Variants in PKIB observed in about 807,000 individuals in gnomAD.
PKIB encodes PKI-beta.
A neutral mutation model predicts 4.5 loss-of-function variants in PKIB; 2 were observed. The observed-to-expected ratio is 0.44, with a 90% CI of 0.18 to 1.39. The LOEUF is 1.39. Among genes scored for constraint, PKIB ranks in the 40% most tolerant of loss-of-function variants. PKIB has a pLI of 0.27. For synonymous variants in PKIB, 38 were observed against 36.0 expected (o/e 1.06, Z -0.20); for missense variants, 94 against 92.6 (o/e 1.02, Z -0.06).
chr6:122,561,994 GTTTTTTTTTGTTTT>G (rs1773036070), intron 2 of PKIB, among the ~76,000 whole-genome samples: 2 of 40,904 alleles, frequency 4.9e-5, no homozygotes, highest in Non-Finnish European at 9.2e-5. Flanking sequence ...GTTTGTTTTT[GTTTTTTTTTGTTTT>G]TTTTTTTTTT....
rs541656015 is a variant in PKIB, at chr6:122,520,742, A to G, written c.-248+42803A>G. Among the ~76,000 whole-genome samples the G allele has an allele frequency of 4.9e-5, 7 of 142,620 alleles. No homozygotes were observed. The South Asian group carries it at 1.3e-3, about 27-fold the overall frequency. The allele number at this position is 142,620 out of a possible 152,430, so 93.6% of individuals were successfully genotyped here. A position where few individuals can be genotyped will look rare whatever the true frequency, so the allele number is the denominator to read the frequency against. On this transcript the variant is annotated intron_variant, in intron 2 of 6. Coordinates refer to the PKIB transcript ENST00000392491. Reference sequence around the variant, plus strand: ...AGACCGTGAATTTTAAATTATTATAACTAAGCTCAAACACGTCTTTGTTAA... The same window carrying G: ...AGACCGTGAATTTTAAATTATTATAGCTAAGCTCAAACACGTCTTTGTTAA...
At chr6:122,617,824 TTTTTA>T (rs1478508646) in intron 1 of PKIB, among the ~76,000 whole-genome samples, 14 of 152,256 alleles carry the variant, frequency 9.2e-5, no homozygotes, top group Non-Finnish European at 1.8e-4. Context: ...ATCAAGATGT[TTTTTA>T]TTTTAATTCT....
intron 3 of PKIB, among the ~76,000 whole-genome samples, chr6:122,707,030 A>G (rs1779087574): frequency 6.6e-6 from 1 of 152,092 alleles, no homozygotes; most frequent in Admixed American, 6.6e-5. Flanking sequence ...AAAGGACTAT[A>G]GTAACATAAT....
At chr6:122,514,774 G>A (rs1286823389) in intron 2 of PKIB, among the ~76,000 whole-genome samples, 2 of 152,134 alleles carry the variant, frequency 1.3e-5, no homozygotes, top group African/African-American at 2.4e-5. Flanking sequence ...GAAGTGGAAA[G>A]GGGAGAAGGG....
At chr6:122,622,789 A>C (rs1412480329) in intron 1 of PKIB, among the ~76,000 whole-genome samples, 2 of 148,962 alleles carry the variant, frequency 1.3e-5, no homozygotes, top group Admixed American at 1.3e-4. Flanking sequence ...CTTAGTAAGT[A>C]TCTGACCTTA....
At chr6:122,561,994 G>GTGT (rs1773031025) in intron 2 of PKIB, among the ~76,000 whole-genome samples, 2 of 40,904 alleles carry the variant, frequency 4.9e-5, no homozygotes, top group Admixed American at 3.7e-4. Flanking sequence ...GTTTGTTTTT[G>GTGT]TTTTTTTTTG....
At chr6:122,588,210 AG>A (rs1455492552) in intron 3 of PKIB, among the ~76,000 whole-genome samples, 1 of 152,148 alleles carries the variant, frequency 6.6e-6, no homozygotes, top group Admixed American at 6.6e-5. Context: ...GTAAGGTGTA[AG>A]GAAGGGATCG....
intron 3 of PKIB, among the ~76,000 whole-genome samples, chr6:122,680,527 T>G (rs2815592): frequency 1.3e-5 from 2 of 152,268 alleles, no homozygotes; most frequent in African/African-American, 4.8e-5. Flanking sequence ...GGTTTCATGG[T>G]GGGCTTTGGG....
Position 122,717,871 on chromosome 6 carries a change from G to C in PKIB, c.77G>C (p.Arg26Pro). The C allele has an allele frequency of 6.2e-7, 1 of 1,614,074 alleles. No homozygotes were observed. Among genetic ancestry groups the C allele is most frequent in the Non-Finnish European group, 8.5e-7 (1 of 1,179,976 alleles). ...TTTGCATCTTCAGCAAGGGCAGGCC[G>C]CCGGAATGCCTTACCAGACATCCAG... The part of the protein sequence containing the change: ...ANFASSARAG[R>P]RNALPDIQSS... Residue 26 changes from arginine to proline, a missense_variant, in exon 4 of 5, where the codon CGC (arginine) becomes CCC (proline). By Grantham distance (103) the Arg-to-Pro change is moderately radical. Transcript: ENST00000368452.
chr6:122,536,542 G>C (rs1777411849), intron 2 of PKIB, among the ~76,000 whole-genome samples: 1 of 152,186 alleles, frequency 6.6e-6, no homozygotes, highest in Non-Finnish European at 1.5e-5. Context: ...TTTCTGACCA[G>C]CAGTGAATGT....
upstream of PKIB, among the ~76,000 whole-genome samples, chr6:122,606,120 G>T (rs931411902): frequency 1.3e-5 from 2 of 152,172 alleles, no homozygotes; most frequent in African/African-American, 4.8e-5. Flanking sequence ...GGATGAACTG[G>T]GTGGATGCAA....
chr6:122,543,234 C>T (rs1318172103), intron 2 of PKIB, among the ~76,000 whole-genome samples: 1 of 152,072 alleles, frequency 6.6e-6, no homozygotes, highest in Non-Finnish European at 1.5e-5. Context: ...CTGGAGCTCC[C>T]TAGTGAGATG....
intron 2 of PKIB, among the ~76,000 whole-genome samples, chr6:122,648,943 C>A (rs999774410): frequency 6.6e-6 from 1 of 152,164 alleles, no homozygotes; most frequent in Non-Finnish European, 1.5e-5. Context: ...CACGCATAAC[C>A]TTCATGCCTC....
chr6:122,503,220 G>T (rs995339366), intron 2 of PKIB, among the ~76,000 whole-genome samples: 6 of 152,174 alleles, frequency 3.9e-5, no homozygotes, highest in African/African-American at 9.7e-5. Flanking sequence ...ATATAAATTT[G>T]CAGGGGACAT....
intron 1 of PKIB, among the ~76,000 whole-genome samples, chr6:122,611,328 C>G (rs1268328620): frequency 6.6e-6 from 1 of 152,090 alleles, no homozygotes; most frequent in African/African-American, 2.4e-5. Flanking sequence ...CGTAGAGCTC[C>G]CCGGGGAACG....
chr6:122,486,085 C>A (rs942059752), intron 2 of PKIB, among the ~76,000 whole-genome samples: 2 of 152,100 alleles, frequency 1.3e-5, no homozygotes, highest in African/African-American at 4.8e-5. Context: ...CCCCCTGACT[C>A]TAAAATAAAA....
intron 2 of PKIB, among the ~76,000 whole-genome samples, chr6:122,542,269 G>T (rs1777629168): frequency 6.6e-6 from 1 of 152,016 alleles, no homozygotes; most frequent in African/African-American, 2.4e-5. Flanking sequence ...CTGCTTTTTA[G>T]AGTTTCCAGT....
intron 3 of PKIB, among the ~76,000 whole-genome samples, chr6:122,702,223 G>A (rs1032097318): frequency 6.6e-6 from 1 of 151,976 alleles, no homozygotes; most frequent in Non-Finnish European, 1.5e-5. Context: ...AGAATATAAG[G>A]CTACCAATCT....
At chr6:122,723,019 T>C (rs916559867) in intron 4 of PKIB, among the ~76,000 whole-genome samples, 1 of 152,182 alleles carries the variant, frequency 6.6e-6, no homozygotes, top group African/African-American at 2.4e-5. Flanking sequence ...CTGTAACGTT[T>C]CTCTTCCCTT....
Sources: allele counts gnomAD v4.1 joint callset (sites outside exome capture counted in the v4.1 genomes callset), GRCh38; gene constraint gnomAD v4.1.1; transcripts MANE v1.5; gene names NCBI Gene and HGNC (gene_info 2026-07-23, HGNC 2026-07-21).